The following PLEKHA8 variants were observed in gnomAD, a reference collection of about 807,000 sequenced individuals.
PLEKHA8 encodes pleckstrin homology domain containing A8.
Under a neutral mutation model 68.2 loss-of-function variants are expected in PLEKHA8, and 36 were observed. That is an observed-to-expected ratio of 0.53 (90% confidence interval 0.40 to 0.70). The LOEUF is 0.70. Among genes scored for constraint, PLEKHA8 ranks in the 30% least tolerant of loss-of-function variants. The probability of loss-of-function intolerance (pLI) is 0.00; values close to 1 mark genes in which losing one functional copy is unlikely to be tolerated. For missense variants in PLEKHA8, 505 were observed against 615.4 expected (o/e 0.82, Z 1.90); for synonymous variants, 211 against 216.1 (o/e 0.98, Z 0.20).
rs1795031245 is a variant in PLEKHA8 at position 30,083,210 on chromosome 7, G to A, written c.*4423G>A. On this transcript the variant is annotated 3_prime_UTR_variant, in exon 14 of 14. Transcript: ENST00000449726. ...CTCTACACAAACTTCATTATGTATGGTAAATTTGTATTCTTATGGATTGTA... is the reference window on the plus strand; with the variant it reads ...CTCTACACAAACTTCATTATGTATGATAAATTTGTATTCTTATGGATTGTA... The A allele has an allele frequency of 1.0e-6, 1 of 983,380 alleles. No homozygotes were observed. The highest frequency in any genetic ancestry group is 1.2e-6 in the Non-Finnish European group (1 of 828,186). The allele number at this position is 983,380 out of a possible 1,614,324, so 60.9% of individuals were successfully genotyped here. A position where few individuals can be genotyped will look rare whatever the true frequency, so the allele number is the denominator to read the frequency against.
At position 30,109,588 on chromosome 7, in the gene PLEKHA8, A is replaced by G. The variant is rs1199883201; in HGVS notation, c.1363-19678A>G. Among the ~76,000 whole-genome samples the G allele has an allele frequency of 1.0e-4, 11 of 110,310 alleles. 1 individual carries two copies. Among genetic ancestry groups the G allele is most frequent in the African/African-American group, 3.5e-4 (11 of 31,436 alleles). 72.4% of individuals were successfully genotyped at this position (110,310 alleles called of 152,430 possible). A position where few individuals can be genotyped will look rare whatever the true frequency, so the allele number is the denominator to read the frequency against. Reference sequence around the variant, plus strand: ...GGGCAACGAGTGAAACTCTGTCTCAAAAAAAAAAAAAAAAAAAAAAAAAAA... The same window carrying G: ...GGGCAACGAGTGAAACTCTGTCTCAGAAAAAAAAAAAAAAAAAAAAAAAAA... On this transcript the variant is annotated intron_variant, in intron 13 of 13. Transcript: ENST00000396257.
In PLEKHA8 at chr7:30,068,211, C is replaced by G. The variant is rs147167731; in HGVS notation, c.1300+5469C>G. ...GAGACTTTGCATTTCTAACAAGTTC[C>G]CAGGTGATGCTGAGGCTGCTGGTTT... On this transcript the variant is annotated intron_variant, in intron 12 of 13. Coordinates refer to ENST00000449726, the MANE Select transcript of PLEKHA8 (RefSeq NM_001197026.2). 6.2e-3 allele frequency among the ~76,000 whole-genome samples: 937 copies of G among 152,308 alleles called. 10 individuals are homozygous for G. The highest frequency in any genetic ancestry group is 0.021 in the African/African-American group (871 of 41,556).
chr7:30,070,711 A>G (rs1365117506), intron 12 of PLEKHA8, among the ~76,000 whole-genome samples: 2 of 151,924 alleles, frequency 1.3e-5, no homozygotes, highest in African/African-American at 2.4e-5. Context: ...ACACCTGGCT[A>G]ATTTTTATAT....
chr7:30,078,447 G>C, intron 13 of PLEKHA8, 143 bp from the exon 14 acceptor site: 2 of 839,738 alleles, frequency 2.4e-6, no homozygotes, highest in Non-Finnish European at 3.7e-6. Flanking sequence ...CCACAAATTA[G>C]AAGGGTAGTC....
chr7:30,123,030 C>G (rs77754116), intron 13 of PLEKHA8, among the ~76,000 whole-genome samples: 4 of 152,104 alleles, frequency 2.6e-5, no homozygotes, highest in Non-Finnish European at 4.4e-5. Flanking sequence ...ACTTTCCCCC[C>G]CCTAAGCTAG....
chr7:30,115,527 T>A (rs1246861035), intron 13 of PLEKHA8, among the ~76,000 whole-genome samples: 1 of 148,308 alleles, frequency 6.7e-6, no homozygotes, highest in Admixed American at 6.6e-5. Flanking sequence ...CACGTATACA[T>A]GTAGACATAT....
chr7:30,030,921 G>A (rs940758297), intron 1 of PLEKHA8, among the ~76,000 whole-genome samples: 16 of 152,016 alleles, frequency 1.1e-4, no homozygotes, highest in Admixed American at 9.8e-4. Flanking sequence ...TTGTAGGTTT[G>A]CACATACTAA....
rs137895958 is a variant in PLEKHA8 at position 30,052,861 on chromosome 7, T to C, written c.791T>C (p.Ile264Thr). 1 of 1,571,418 alleles carries C rather than the reference T, an allele frequency of 6.4e-7. No homozygotes were observed. The highest frequency in any genetic ancestry group is 8.6e-7 in the Non-Finnish European group (1 of 1,167,978). Residue 264 changes from isoleucine to threonine, a missense_variant, in exon 7 of 14, where the codon ATA (isoleucine) becomes ACA (threonine). By Grantham distance (89) the Ile-to-Thr change is moderately conservative (BLOSUM62 -1). Transcript: ENST00000449726. The stretch of plus-strand genomic sequence containing the variant: ...AGTGAGGAAAATACAGATGATAATA[T>C]AACAGGTAAAAACAAAAGTAAAGTC... ...ISSEENTDDN[I>T]TVQGEIRKED...
At chr7:30,054,941 T>G in intron 8 of PLEKHA8, 76 bp downstream of exon 8, 1 of 1,372,722 alleles carries the variant, frequency 7.3e-7, no homozygotes, top group Non-Finnish European at 1.0e-6. Flanking sequence ...GGTGTTCCTT[T>G]CAGGTGATGG....
At chr7:30,116,593 C>T (rs1371291646) in intron 13 of PLEKHA8, among the ~76,000 whole-genome samples, 5 of 152,172 alleles carry the variant, frequency 3.3e-5, no homozygotes, top group African/African-American at 1.2e-4. Context: ...ACTAAGAGCC[C>T]TAGAATCCTA....
rs1795851528 is a variant in PLEKHA8 at position 30,101,463 on chromosome 7, G to T, written c.1362+27331G>T. ...TCTGGTGAGGGCTCTCTTCCAGGTT[G>T]CAGACAGCCACCTTCTTGCTGTGTC... On this transcript the variant is annotated intron_variant, in intron 13 of 13. Coordinates refer to the PLEKHA8 transcript ENST00000396257. Among the ~76,000 whole-genome samples, 3 of 152,254 alleles carry T rather than the reference G, an allele frequency of 2.0e-5. No homozygotes were observed. In the South Asian group the frequency reaches 6.2e-4, roughly 32 times the overall value.
chr7:30,077,776 A>G (rs1272352663), intron 13 of PLEKHA8, among the ~76,000 whole-genome samples: 3 of 152,174 alleles, frequency 2.0e-5, no homozygotes, highest in Non-Finnish European at 4.4e-5. Flanking sequence ...AGATTCTTCA[A>G]AAAGCCTCTG....
chr7:30,074,280 G>GTGTGTAT, intron 13 of PLEKHA8, 148 bp downstream of exon 13: 3 of 577,318 alleles, frequency 5.2e-6, no homozygotes, highest in Admixed American at 3.6e-5. Context: ...GTGTATGTGT[G>GTGTGTAT]GTGTTTTTGT....
chr7:30,091,245 G>T (rs1175912862), downstream of PLEKHA8, among the ~76,000 whole-genome samples: 1 of 151,082 alleles, frequency 6.6e-6, no homozygotes, highest in Non-Finnish European at 1.5e-5. Flanking sequence ...GGTGGGTATT[G>T]ATTTTGTTTT....
downstream of PLEKHA8, among the ~76,000 whole-genome samples, chr7:30,087,177 A>G (rs1354439727): frequency 2.6e-5 from 4 of 152,224 alleles, no homozygotes. Context: ...AGAGTCTTTT[A>G]TGAGATCACC....
chr7:30,078,972 G>C lies in PLEKHA8; in HGVS notation c.*185G>C. On this transcript the variant is annotated 3_prime_UTR_variant, in exon 14 of 14. Coordinates refer to ENST00000449726, the MANE Select transcript of PLEKHA8 (RefSeq NM_001197026.2). ...CATATGTGTTTTGTTTAAAGATCAA[G>C]GTGCTATATATTTCAGTTCAGCAGG... 1 of 1,394,094 alleles carries C rather than the reference G, an allele frequency of 7.2e-7. No homozygotes were observed. Among genetic ancestry groups the C allele is most frequent in the South Asian group, 1.7e-5 (1 of 58,918 alleles). The allele number at this position is 1,394,094 out of a possible 1,614,324, so 86.4% of individuals were successfully genotyped here.
intron 13 of PLEKHA8, among the ~76,000 whole-genome samples, chr7:30,100,121 C>G (rs1795795298): frequency 6.6e-6 from 1 of 152,196 alleles, no homozygotes; most frequent in African/African-American, 2.4e-5. Flanking sequence ...CTCCAAATCT[C>G]TCTCTCCTCA....
intron 9 of PLEKHA8, 27 bp downstream of exon 9, chr7:30,055,369 T>A: frequency 6.3e-7 from 1 of 1,590,208 alleles, no homozygotes; most frequent in Non-Finnish European, 8.6e-7. Flanking sequence ...TGCCTTACAT[T>A]CATTCATGTC....
intron 9 of PLEKHA8, among the ~76,000 whole-genome samples, chr7:30,056,952 TA>T (rs141655544): frequency 4.1e-5 from 6 of 147,834 alleles, no homozygotes; most frequent in Non-Finnish European, 6.0e-5. Context: ...TTTATATATA[TA>T]AAAAAGTTTA....
Sources: gnomAD v4.1 joint callset for allele counts (sites outside exome capture counted in the v4.1 genomes callset) on GRCh38, gnomAD v4.1.1 for gene constraint, MANE v1.5 for transcripts, NCBI Gene and HGNC (gene_info 2026-07-23, HGNC 2026-07-21) for gene names.